ZNG1F: variants seen among roughly 807,000 people sequenced by gnomAD.
ZNG1F encodes Zn regulated GTPase metalloprotein activator 1F.
At chr9:41,173,381 G>A in the ZNG1F span, among the ~76,000 whole-genome samples, 1 of 150,212 alleles carries the variant, frequency 6.7e-6, no homozygotes, top group South Asian at 2.1e-4. Flanking sequence ...AGAGCTCAAT[G>A]ATGGGGCCCA....
the ZNG1F span, among the ~76,000 whole-genome samples, chr9:41,196,643 TCACTG>T: frequency 2.5e-5 from 2 of 80,424 alleles, no homozygotes; most frequent in African/African-American, 7.3e-5. Context: ...TGAGCTATGA[TCACTG>T]CACTGCACTC....
the ZNG1F span, chr9:41,158,906 G>A: frequency 7.2e-6 from 1 of 139,060 alleles, no homozygotes; most frequent in African/African-American, 2.6e-5. Flanking sequence ...ACCATTACCA[G>A]CATTTTAAAA....
At chr9:41,193,775 C>A in the ZNG1F span, among the ~76,000 whole-genome samples, 4 of 148,840 alleles carry the variant, frequency 2.7e-5, no homozygotes, top group Non-Finnish European at 5.9e-5. Flanking sequence ...TGGCACACGC[C>A]TGTAGTCCCA....
At chr9:41,185,633 A>C in the ZNG1F span, among the ~76,000 whole-genome samples, 1 of 151,892 alleles carries the variant, frequency 6.6e-6, no homozygotes, top group African/African-American at 2.4e-5. Context: ...AGATTGCACC[A>C]CTGCACTCCA....
chr9:41,201,816 AT>A, the ZNG1F span, among the ~76,000 whole-genome samples: 14 of 148,378 alleles, frequency 9.4e-5, no homozygotes, highest in Admixed American at 9.7e-4. Context: ...AAATATTCTG[AT>A]TAATAACAGA....
the ZNG1F span, among the ~76,000 whole-genome samples, chr9:41,197,847 CTTATAA>C: frequency 8.8e-6 from 1 of 113,798 alleles, no homozygotes; most frequent in African/African-American, 3.3e-5. Context: ...GTTCTGGTTA[CTTATAA>C]TTAATATGAT....
the ZNG1F span, among the ~76,000 whole-genome samples, chr9:41,185,342 A>G: frequency 1.4e-5 from 2 of 141,528 alleles, no homozygotes; most frequent in Non-Finnish European, 3.1e-5. Context: ...ATGAGTTGCA[A>G]TAGAGTCCAT....
At chr9:41,183,126 A>G in the ZNG1F span, among the ~76,000 whole-genome samples, 3 of 129,022 alleles carry the variant, frequency 2.3e-5, no homozygotes, top group Admixed American at 1.7e-4. Flanking sequence ...TGTGTTGGGT[A>G]ACTCTTCTAG....
chr9:41,197,024 T>C, the ZNG1F span, among the ~76,000 whole-genome samples: 8 of 35,494 alleles, frequency 2.3e-4, no homozygotes, highest in African/African-American at 4.8e-4. Flanking sequence ...GACTAAGTCT[T>C]ATGTATATGA....
At chr9:41,183,650 C>T in the ZNG1F span, 3 of 1,605,282 alleles carry the variant, frequency 1.9e-6, no homozygotes, top group Middle Eastern at 1.7e-4. Context: ...AGGATTTCTC[C>T]AGCGCACTTC....
the ZNG1F span, chr9:41,183,467 G>C: frequency 1.6e-5 from 21 of 1,295,796 alleles, no homozygotes; most frequent in Non-Finnish European, 2.1e-5. Context: ...GAAGCAAACT[G>C]TGTAAATTCA....
the ZNG1F span, among the ~76,000 whole-genome samples, chr9:41,201,058 T>TAACA: frequency 6.9e-6 from 1 of 145,664 alleles, no homozygotes; most frequent in East Asian, 2.2e-4. Context: ...CAGAAAATTA[T>TAACA]AACAGAAAGA....
chr9:41,173,995 G>GC, the ZNG1F span, among the ~76,000 whole-genome samples: 10 of 149,094 alleles, frequency 6.7e-5, no homozygotes, highest in African/African-American at 2.5e-4. Flanking sequence ...GCCAAGGCTG[G>GC]CGGATCACCT....
the ZNG1F span, among the ~76,000 whole-genome samples, chr9:41,193,841 G>A: frequency 6.6e-6 from 1 of 150,798 alleles, no homozygotes; most frequent in African/African-American, 2.4e-5. Flanking sequence ...TGAGGTTGCA[G>A]TGAGCCAAGA....
chr9:41,132,072 A>G, the ZNG1F span: 2 of 1,529,812 alleles, frequency 1.3e-6, no homozygotes, highest in South Asian at 1.3e-5. Context: ...ACAAGCTTTT[A>G]CGAACATTGT....
chr9:41,181,827 T>TA, the ZNG1F span, among the ~76,000 whole-genome samples: 1 of 72,408 alleles, frequency 1.4e-5, no homozygotes, highest in Non-Finnish European at 2.5e-5. Flanking sequence ...TAGTAGAGTT[T>TA]AGAGTTTCTT....
chr9:41,175,051 T>A, the ZNG1F span, among the ~76,000 whole-genome samples: 62 of 137,490 alleles, frequency 4.5e-4, 1 homozygote, highest in African/African-American at 1.7e-3. Context: ...AAGGAAAGTA[T>A]TTGATTTTTG....
the ZNG1F span, among the ~76,000 whole-genome samples, chr9:41,148,026 T>TAA: frequency 2.8e-5 from 4 of 144,584 alleles, no homozygotes; most frequent in East Asian, 8.4e-4. Flanking sequence ...CCAATCTATC[T>TAA]CCCTAGTAAA....
chr9:41,146,197 A>G, the ZNG1F span, among the ~76,000 whole-genome samples: 1 of 145,302 alleles, frequency 6.9e-6, no homozygotes, highest in Admixed American at 7.1e-5. Flanking sequence ...AGTTAAGCAC[A>G]CACAAAAAAG....
Sources: allele counts gnomAD v4.1 joint callset (sites outside exome capture counted in the v4.1 genomes callset), GRCh38; gene constraint gnomAD v4.1.1; transcripts MANE v1.5; gene names NCBI Gene and HGNC (gene_info 2026-07-23, HGNC 2026-07-21).